TXNRD2: variants seen among roughly 807,000 people sequenced by gnomAD.
The protein encoded by TXNRD2 is thioredoxin reductase 2, mitochondrial.
A neutral mutation model predicts 70.8 loss-of-function variants in TXNRD2; 67 were observed. The ratio of observed to expected loss-of-function variants is 0.95; its 90% CI spans 0.78 to 1.16. The LOEUF (loss-of-function observed/expected upper bound fraction) is 1.16, where lower values mean the gene tolerates loss of function less well. Among genes scored for constraint, TXNRD2 ranks in the 50% most tolerant of loss-of-function variants. The pLI is 0.00. For synonymous variants in TXNRD2, 301 were observed against 295.8 expected (o/e 1.02, Z -0.18); for missense variants, 644 against 719.9 (o/e 0.89, Z 1.21).
rs1940715324 is a variant in TXNRD2 at position 19,918,067 on chromosome 22, G to A, written c.449+76C>T. 4.8e-6 allele frequency: 6 copies of A among 1,259,966 alleles called. No individual in the cohort carries two copies. The East Asian group carries it at 6.9e-5, about 15-fold the overall frequency. The allele number at this position is 1,259,966 out of a possible 1,614,324, so 78.0% of individuals were successfully genotyped here. ...TGCCAGAGCATGCTCTGCACAGTAA[G>A]TAAGTGTGTGTCCAGGCACAGAACG... On this transcript the variant is annotated intron_variant, in intron 5 of 17. Transcript: ENST00000400521.
At chr22:19,905,119 T>C (rs1939947901) in intron 8 of TXNRD2, among the ~76,000 whole-genome samples, 1 of 152,136 alleles carries the variant, frequency 6.6e-6, no homozygotes, top group African/African-American at 2.4e-5. Context: ...CATATTACAC[T>C]GTTACAACTT....
chr22:19,877,498 C>A (rs1217062693), intron 16 of TXNRD2, among the ~76,000 whole-genome samples: 1 of 152,142 alleles, frequency 6.6e-6, no homozygotes, highest in African/African-American at 2.4e-5. Flanking sequence ...TCCATCCTCC[C>A]CTGCTAGGCA....
At chr22:19,877,351 A>C in intron 16 of TXNRD2, 117 bp from the exon 17 acceptor site, 3 of 931,338 alleles carry the variant, frequency 3.2e-6, no homozygotes, top group Non-Finnish European at 4.9e-6. Flanking sequence ...CTGTCCCCTG[A>C]CCCCCAGCCA....
intron 8 of TXNRD2, among the ~76,000 whole-genome samples, chr22:19,905,288 A>C (rs1405979388): frequency 6.6e-6 from 1 of 152,244 alleles, no homozygotes; most frequent in Non-Finnish European, 1.5e-5. Context: ...TTAAACAATA[A>C]CATACCTAGA....
intron 7 of TXNRD2, among the ~76,000 whole-genome samples, chr22:19,913,228 G>A (rs1321918097): frequency 6.6e-6 from 1 of 152,188 alleles, no homozygotes; most frequent in African/African-American, 2.4e-5. Context: ...GGCAAGAACT[G>A]GGAGATTCAG....
intron 8 of TXNRD2, 183 bp downstream of exon 8, chr22:19,911,194 C>A: frequency 1.4e-6 from 1 of 695,398 alleles, no homozygotes; most frequent in Non-Finnish European, 2.6e-6. Flanking sequence ...GCTCAGTCTC[C>A]CAAAGTGCTA....
intron 2 of TXNRD2, among the ~76,000 whole-genome samples, chr22:19,921,322 G>C (rs138603744): frequency 2.0e-5 from 3 of 151,746 alleles, no homozygotes; most frequent in Non-Finnish European, 4.4e-5. Flanking sequence ...GGCTAAGGTG[G>C]GGGGATGGCT....
rs1939325824 is a variant in TXNRD2, at chr22:19,892,797, TAGG to T, written c.949+2607_949+2609del. On this transcript the variant is annotated intron_variant, in intron 11 of 17. Coordinates refer to ENST00000400521, the MANE Select transcript of TXNRD2 (RefSeq NM_006440.5). ...AGTGGAGTTTATTTGGGAATGACAGTAGGAGGATAAATTTTGAAAGAAAAATAA... is the reference window on the plus strand; with the variant it reads ...AGTGGAGTTTATTTGGGAATGACAGTAGGATAAATTTTGAAAGAAAAATAA... 2.0e-5 allele frequency among the ~76,000 whole-genome samples: 3 copies of T among 152,176 alleles called. No homozygotes were observed. The South Asian group carries it at 6.2e-4, about 31-fold the overall frequency.
intron 4 of TXNRD2, 34 bp downstream of exon 4, chr22:19,918,821 GAAGAA>G (rs1940754883): frequency 1.9e-6 from 3 of 1,600,748 alleles, no homozygotes; most frequent in Non-Finnish European, 2.5e-6. Flanking sequence ...CCCAAGAGTA[GAAGAA>G]AAGCACTGGA....
At chr22:19,932,160 CAAAAAAAAAAAAA>C (rs35254160) in intron 1 of TXNRD2, among the ~76,000 whole-genome samples, 1 of 80,990 alleles carries the variant, frequency 1.2e-5, no homozygotes, top group Non-Finnish European at 2.6e-5. Context: ...GACTCCGTCT[CAAAAAAAAAAAAA>C]AAAAAAAGAA....
chr22:19,923,283 A>G (rs368470417), intron 2 of TXNRD2, among the ~76,000 whole-genome samples: 68 of 152,188 alleles, frequency 4.5e-4, no homozygotes, highest in Non-Finnish European at 8.8e-4. Context: ...AATTCCTTCA[A>G]TGATGACTTT....
intron 7 of TXNRD2, 129 bp from the exon 8 acceptor site, chr22:19,911,576 T>C (rs928530708): frequency 4.0e-6 from 3 of 749,172 alleles, no homozygotes; most frequent in Middle Eastern, 3.6e-4. Flanking sequence ...AGGGCTTCCC[T>C]GCTGCCAGTC....
intron 1 of TXNRD2, among the ~76,000 whole-genome samples, chr22:19,934,566 CTT>C (rs199827549): frequency 5.6e-5 from 8 of 141,840 alleles, no homozygotes; most frequent in Admixed American, 7.1e-5. Context: ...ATACTTTTTT[CTT>C]TTTTTTTTTT....
At chr22:19,911,569 G>T in intron 7 of TXNRD2, 122 bp from the exon 8 acceptor site, 1 of 768,424 alleles carries the variant, frequency 1.3e-6, no homozygotes, top group Admixed American at 2.0e-5. Context: ...CATGCACAGG[G>T]CTTCCCTGCT....
At chr22:19,880,512 C>A in intron 13 of TXNRD2, 110 bp downstream of exon 13, 1 of 1,022,866 alleles carries the variant, frequency 9.8e-7, no homozygotes, top group East Asian at 2.5e-5. Flanking sequence ...CACACGCATG[C>A]CCACATCTAC....
At chr22:19,880,142 C>T (rs766073326) in intron 14 of TXNRD2, 37 bp downstream of exon 14, 35 of 1,601,418 alleles carry the variant, frequency 2.2e-5, no homozygotes, top group Non-Finnish European at 2.7e-5. Flanking sequence ...GTCGTGGAGT[C>T]GCCACTGTCC....
chr22:19,879,721 T>C (rs1938673501), intron 14 of TXNRD2, among the ~76,000 whole-genome samples: 1 of 151,954 alleles, frequency 6.6e-6, no homozygotes. Context: ...CACAGAGGCA[T>C]CTTCGGGGCC....
chr22:19,878,497 C>A, intron 14 of TXNRD2, 60 bp from the exon 15 acceptor site: 1 of 1,456,490 alleles, frequency 6.9e-7, no homozygotes, highest in Non-Finnish European at 9.6e-7. Context: ...GTGGCACCTG[C>A]AGCTCCCACA....
intron 4 of TXNRD2, among the ~76,000 whole-genome samples, chr22:19,918,582 G>A (rs1940743192): frequency 6.6e-6 from 1 of 152,144 alleles, no homozygotes; most frequent in Non-Finnish European, 1.5e-5. Context: ...CCGCACTCCT[G>A]GCCTTGGAGA....
Sources: gnomAD v4.1 joint callset for allele counts (sites outside exome capture counted in the v4.1 genomes callset) on GRCh38, gnomAD v4.1.1 for gene constraint, MANE v1.5 for transcripts, NCBI Gene and HGNC (gene_info 2026-07-23, HGNC 2026-07-21) for gene names.